Variants in ARSB observed in about 807,000 individuals in gnomAD.
ARSB encodes arylsulfatase B, also known as N-acetylgalactosamine-4-sulfatase.
ARSB carries 41 observed loss-of-function variants against 50.9 expected under a neutral mutation model. The ratio of observed to expected loss-of-function variants is 0.81; its 90% CI spans 0.63 to 1.04. The LOEUF (loss-of-function observed/expected upper bound fraction) is 1.04. ARSB is among the 50% of genes least tolerant of loss of function. The probability of loss-of-function intolerance (pLI) is 0.00; values close to 1 mark genes in which losing one functional copy is unlikely to be tolerated. For missense variants in ARSB, 672 were observed against 693.3 expected, an observed-to-expected ratio of 0.97 and a Z score of 0.35; for synonymous variants, 269 against 284.8, an observed-to-expected ratio of 0.94 and a Z score of 0.56.
chr5:78,816,222 C>T, intron 6 of ARSB: 16 of 1,598,160 alleles, frequency 1.0e-5, no homozygotes, highest in Non-Finnish European at 1.4e-5. Flanking sequence ...TCTCACTAGA[C>T]TGTGAATTCC....
intron 6 of ARSB, among the ~76,000 whole-genome samples, chr5:78,796,901 A>G (rs1258646018): frequency 7.3e-5 from 8 of 110,312 alleles, no homozygotes; most frequent in Admixed American, 1.9e-4. Flanking sequence ...TTTTTGAGAC[A>G]GAGTCTCGCT....
rs1581023612 is a variant in ARSB, at chr5:78,838,816, G to T, written c.1213+540C>A. 2.0e-5 allele frequency among the ~76,000 whole-genome samples: 3 copies of T among 152,018 alleles called. No individual in the cohort carries two copies. In the South Asian group the frequency reaches 6.2e-4, roughly 32 times the overall value. On this transcript the variant is annotated intron_variant, in intron 6 of 7. Coordinates refer to ENST00000264914, the MANE Select transcript of ARSB (RefSeq NM_000046.5). ...GAAGGAAATGGTAAGGCTCTTTACA[G>T]GTTAATTTAGGCAGGAGGCAGAATC...
At chr5:78,823,702 A>G (rs929972476) in intron 6 of ARSB, among the ~76,000 whole-genome samples, 1 of 152,202 alleles carries the variant, frequency 6.6e-6, no homozygotes, top group African/African-American at 2.4e-5. Flanking sequence ...AAAGAGACCA[A>G]GCTTCTGTGA....
At chr5:78,912,277 C>A (rs1252145796) in intron 4 of ARSB, among the ~76,000 whole-genome samples, 1 of 152,212 alleles carries the variant, frequency 6.6e-6, no homozygotes, top group East Asian at 1.9e-4. Context: ...TAAGAGATCA[C>A]AGGCAGGCTC....
intron 4 of ARSB, among the ~76,000 whole-genome samples, chr5:78,886,537 G>C (rs544505582): frequency 6.6e-6 from 1 of 152,236 alleles, no homozygotes; most frequent in South Asian, 2.1e-4. Context: ...ACAACAGAAG[G>C]AATGGGAGAT....
intron 4 of ARSB, among the ~76,000 whole-genome samples, chr5:78,944,048 C>T (rs1751080669): frequency 6.6e-6 from 1 of 152,084 alleles, no homozygotes; most frequent in East Asian, 1.9e-4. Flanking sequence ...TCACTGATAC[C>T]CTTTCTTCCA....
intron 5 of ARSB, among the ~76,000 whole-genome samples, chr5:78,870,096 C>A (rs1397402570): frequency 1.5e-5 from 2 of 136,036 alleles, no homozygotes; most frequent in African/African-American, 5.4e-5. Context: ...CACATACACT[C>A]TCCCAAGACT....
chr5:78,943,448 C>T (rs1381926513), intron 4 of ARSB, among the ~76,000 whole-genome samples: 1 of 152,198 alleles, frequency 6.6e-6, no homozygotes, highest in Non-Finnish European at 1.5e-5. Flanking sequence ...GTGCTTCCTT[C>T]AGGAGCTCTT....
chr5:78,869,192 AG>A (rs1380548746), intron 5 of ARSB, among the ~76,000 whole-genome samples: 1 of 121,032 alleles, frequency 8.3e-6, no homozygotes, highest in Non-Finnish European at 1.7e-5. Flanking sequence ...AAAGAGACTT[AG>A]ACTCCCACAC....
intron 6 of ARSB, among the ~76,000 whole-genome samples, chr5:78,817,581 G>A (rs1034043633): frequency 6.6e-6 from 1 of 152,180 alleles, no homozygotes. Context: ...GGCCAAGAGG[G>A]GTGAATCACC....
chr5:78,853,152 T>C (rs933611853), intron 5 of ARSB, among the ~76,000 whole-genome samples: 1 of 152,318 alleles, frequency 6.6e-6, no homozygotes, highest in Non-Finnish European at 1.5e-5. Context: ...GAGTTTCCAG[T>C]TTTTCTGCTC....
At chr5:78,815,431 G>T in intron 6 of ARSB, 1 of 672,480 alleles carries the variant, frequency 1.5e-6, no homozygotes, top group Non-Finnish European at 1.8e-6. Flanking sequence ...AGACAAATTA[G>T]AACAAGACAC....
chr5:78,848,902 CTTG>C lies in ARSB; in HGVS notation c.1143-9479_1143-9477del, dbSNP rs915130712. On this transcript the variant is annotated intron_variant, in intron 5 of 7. Transcript: ENST00000264914. Reference sequence around the variant, plus strand: ...AGCGTCTGTTCATATCCTTTGCCCACTTGTTGATGGCGTTGTTTTTTCTCGTAA... The same window carrying C: ...AGCGTCTGTTCATATCCTTTGCCCACTTGATGGCGTTGTTTTTTCTCGTAA... Among the ~76,000 whole-genome samples the C allele has an allele frequency of 1.6e-4, 19 of 117,492 alleles. No individual in the cohort carries two copies. The East Asian group carries it at 1.8e-3, about 11-fold the overall frequency. The allele number at this position is 117,492 out of a possible 152,430, so 77.1% of individuals were successfully genotyped here. A position where few individuals can be genotyped will look rare whatever the true frequency, so the allele number is the denominator to read the frequency against.
chr5:78,790,084 T>C (rs1317480639), intron 6 of ARSB, among the ~76,000 whole-genome samples: 3 of 152,026 alleles, frequency 2.0e-5, no homozygotes, highest in African/African-American at 4.8e-5. Flanking sequence ...CTGGACATGA[T>C]TGGAGAATGG....
At chr5:78,854,095 T>C (rs926714645) in intron 5 of ARSB, among the ~76,000 whole-genome samples, 1 of 152,244 alleles carries the variant, frequency 6.6e-6, no homozygotes, top group Non-Finnish European at 1.5e-5. Context: ...TTGCACTCCC[T>C]AGTGAGATGA....
chr5:78,855,188 C>G (rs756792427), intron 5 of ARSB, among the ~76,000 whole-genome samples: 8 of 152,206 alleles, frequency 5.3e-5, no homozygotes, highest in African/African-American at 7.2e-5. Flanking sequence ...GGATTTGCAG[C>G]TATTCAGCTC....
rs1748819233 is a variant in ARSB at position 78,777,983 on chromosome 5, A to C, written c.*2414T>G. The C allele has an allele frequency of 6.6e-6, 1 of 152,170 alleles. No individual in the cohort carries two copies. The highest frequency in any genetic ancestry group is 1.5e-5 in the Non-Finnish European group (1 of 68,042). 9.4% of individuals were successfully genotyped at this position (152,170 alleles called of 1,614,324 possible). Reference sequence around the variant, plus strand: ...TCTATTATGGATAAACCAAAATCTCAAGTACTTGTTTTACAAAAAATTAAG... The same window carrying C: ...TCTATTATGGATAAACCAAAATCTCCAGTACTTGTTTTACAAAAAATTAAG... On this transcript the variant is annotated 3_prime_UTR_variant, in exon 8 of 8. Transcript: ENST00000264914.
chr5:78,834,174 T>C (rs986805741), intron 6 of ARSB, among the ~76,000 whole-genome samples: 2 of 152,210 alleles, frequency 1.3e-5, no homozygotes, highest in African/African-American at 2.4e-5. Flanking sequence ...ATGAAAAAGA[T>C]AGAGACCCTA....
At chr5:78,822,916 G>T (rs1398611596) in intron 6 of ARSB, among the ~76,000 whole-genome samples, 1 of 152,110 alleles carries the variant, frequency 6.6e-6, no homozygotes, top group Non-Finnish European at 1.5e-5. Flanking sequence ...GATTACAGGC[G>T]TGAGCCAACA....
Sources: gnomAD v4.1 joint callset for allele counts (sites outside exome capture counted in the v4.1 genomes callset) on GRCh38, gnomAD v4.1.1 for gene constraint, MANE v1.5 for transcripts, NCBI Gene and HGNC (gene_info 2026-07-23, HGNC 2026-07-21) for gene names.